Variants in LMBR1 observed in about 807,000 individuals in gnomAD.
The protein encoded by LMBR1 is limb region 1 protein homolog.
In LMBR1, 52 loss-of-function variants were observed where a neutral mutation model predicts 73.9. The ratio of observed to expected loss-of-function variants is 0.70; its 90% CI spans 0.56 to 0.89. The LOEUF (loss-of-function observed/expected upper bound fraction) is 0.89. LMBR1 is among the 40% of genes least tolerant of loss of function. LMBR1 has a pLI of 0.00. For synonymous variants in LMBR1, 215 were observed against 209.4 expected (o/e 1.03, Z -0.23); for missense variants, 539 against 579.8 (o/e 0.93, Z 0.72).
chr7:156,717,399 G>C (rs1813457287), intron 15 of LMBR1, among the ~76,000 whole-genome samples: 2 of 152,190 alleles, frequency 1.3e-5, no homozygotes, highest in African/African-American at 4.8e-5. Flanking sequence ...TTTTAGCTTA[G>C]GGTGGGTGGT....
intron 10 of LMBR1, among the ~76,000 whole-genome samples, chr7:156,732,599 G>GA (rs1817056501): frequency 6.6e-6 from 1 of 152,020 alleles, no homozygotes; most frequent in African/African-American, 2.4e-5. Context: ...AATATGAAAA[G>GA]AAACAGCACT....
intron 15 of LMBR1, among the ~76,000 whole-genome samples, chr7:156,720,005 G>C (rs1452382601): frequency 1.3e-5 from 2 of 151,670 alleles, no homozygotes; most frequent in African/African-American, 2.4e-5. Flanking sequence ...AAAAACCCTA[G>C]AAGAAAACCT....
chr7:156,733,979 T>C (rs978239102), intron 10 of LMBR1, 198 bp downstream of exon 10: 10 of 404,910 alleles, frequency 2.5e-5, no homozygotes, highest in South Asian at 2.2e-4. Flanking sequence ...ATTTTGTATA[T>C]ATATAAAACC....
At chr7:156,736,450 T>C (rs754048299) in intron 9 of LMBR1, 21 of 448,780 alleles carry the variant, frequency 4.7e-5, no homozygotes, top group Non-Finnish European at 4.5e-5. Flanking sequence ...TTTATCTTTA[T>C]CAAGATGAAG....
At chr7:156,768,061 T>C (rs190053102) in intron 5 of LMBR1, among the ~76,000 whole-genome samples, 46 of 152,316 alleles carry the variant, frequency 3.0e-4, no homozygotes, top group African/African-American at 1.0e-3. Context: ...TAGCGCTTCA[T>C]TGTTATTATT....
At chr7:156,767,981 T>A (rs1169431579) in intron 5 of LMBR1, among the ~76,000 whole-genome samples, 2 of 152,168 alleles carry the variant, frequency 1.3e-5, no homozygotes, top group African/African-American at 4.8e-5. Context: ...AGTAGGACAT[T>A]TCATATTGAA....
At chr7:156,873,113 G>A (rs1375103111) in intron 1 of LMBR1, among the ~76,000 whole-genome samples, 5 of 152,316 alleles carry the variant, frequency 3.3e-5, no homozygotes, top group African/African-American at 4.8e-5. Flanking sequence ...GAATGAAGCC[G>A]CGGACTCTTG....
intron 5 of LMBR1, among the ~76,000 whole-genome samples, chr7:156,764,355 T>C (rs1315163092): frequency 6.6e-6 from 1 of 152,248 alleles, no homozygotes; most frequent in African/African-American, 2.4e-5. Flanking sequence ...CTTCACATTA[T>C]ATAGAATTTT....
chr7:156,764,689 A>C (rs1377680587), intron 5 of LMBR1, among the ~76,000 whole-genome samples: 1 of 152,242 alleles, frequency 6.6e-6, no homozygotes, highest in Non-Finnish European at 1.5e-5. Flanking sequence ...TTAACATAAA[A>C]ATATGAGTTA....
rs191771041 is a variant in LMBR1, at chr7:156,696,646, C to T, written c.1226-8455G>A. ...TTGAAAACCATCAGATCTTGTGAGA[C>T]TTATTCACCATCACAACAACAGCAT... is the stretch of plus-strand genomic sequence containing the variant. On this transcript the variant is annotated intron_variant, in intron 15 of 16. Coordinates refer to ENST00000353442, the MANE Select transcript of LMBR1 (RefSeq NM_022458.4). Among the ~76,000 whole-genome samples, 113 of 152,290 alleles carry T rather than the reference C, an allele frequency of 7.4e-4. 1 individual carries two copies. Among genetic ancestry groups the T allele is most frequent in the Non-Finnish European group, 1.0e-3 (69 of 68,022 alleles).
chr7:156,808,531 A>C (rs754720876), intron 4 of LMBR1, among the ~76,000 whole-genome samples: 11 of 152,136 alleles, frequency 7.2e-5, no homozygotes, highest in Non-Finnish European at 1.6e-4. Context: ...TCAATTTGAT[A>C]ATCTCTGCCT....
chr7:156,766,710 G>A (rs922514517), intron 5 of LMBR1, among the ~76,000 whole-genome samples: 1 of 152,138 alleles, frequency 6.6e-6, no homozygotes, highest in South Asian at 2.1e-4. Context: ...GGGCAAGCAG[G>A]AGGAGCAGGG....
intron 1 of LMBR1, among the ~76,000 whole-genome samples, chr7:156,883,620 T>A (rs191857818): frequency 6.6e-6 from 1 of 152,326 alleles, no homozygotes; most frequent in East Asian, 1.9e-4. Context: ...ACAAATTTAT[T>A]GAGTTTCACT....
chr7:156,680,403 A>AGAGAGAGTGTGTGT lies in LMBR1; in HGVS notation c.*3674_*3675insACACACACTCTCTC, dbSNP rs1343950098. 2 of 125,068 alleles carry AGAGAGAGTGTGTGT rather than the reference A, an allele frequency of 1.6e-5. No individual in the cohort carries two copies. The highest frequency in any genetic ancestry group is 6.1e-5 in the African/African-American group (2 of 32,560). The allele number at this position is 125,068 out of a possible 1,614,324, so 7.7% of individuals were successfully genotyped here. On this transcript the variant is annotated 3_prime_UTR_variant, in exon 17 of 17. Transcript: ENST00000353442. ...GAGAGAGAGAGAGAGAGAGAGAGAG[A>AGAGAGAGTGTGTGT]GTGTGTGTGTGTGTGTGTGTGTAAT...
rs1802192436 is a variant in LMBR1 at position 156,670,298 on chromosome 7, C to G, written n.867-1011G>C. 6.6e-6 allele frequency among the ~76,000 whole-genome samples: 1 copy of G among 152,208 alleles called. No individual in the cohort carries two copies. The highest frequency in any genetic ancestry group is 1.5e-5 in the Non-Finnish European group (1 of 68,032). ...CTTTGGCTCTTGATACACACACATT[C>G]TAGTCAGGCCCTGCCTTCAGCTCAC... On this transcript the variant is annotated intron_variant and non_coding_transcript_variant, in intron 4 of 4. Transcript: ENST00000430825. This position sits in a 1 kb window ranked among gnomAD's most constrained non-coding sequence, Gnocchi z 4.3.
intron 15 of LMBR1, among the ~76,000 whole-genome samples, chr7:156,721,661 G>C (rs910593365): frequency 3.3e-5 from 5 of 151,716 alleles, no homozygotes; most frequent in Admixed American, 1.3e-4. Flanking sequence ...TACTTTTTCA[G>C]GGTTCTAATA....
intron 15 of LMBR1, among the ~76,000 whole-genome samples, chr7:156,708,574 G>A (rs910294740): frequency 3.3e-5 from 5 of 152,120 alleles, no homozygotes; most frequent in Admixed American, 1.3e-4. Context: ...GAATTAGGGT[G>A]GGGTTACAGG....
Position 156,721,451 on chromosome 7 carries a change from G to C in LMBR1, c.1225+2661C>G, listed in dbSNP as rs533234886. 2.0e-5 allele frequency among the ~76,000 whole-genome samples: 3 copies of C among 151,482 alleles called. No individual in the cohort carries two copies. The South Asian group carries it at 6.4e-4, about 32-fold the overall frequency. ...TTGCATAGAATTTTGGACATCTATA[G>C]ATAATTAGTTTGATCTTGTTCTATT... On this transcript the variant is annotated intron_variant, in intron 15 of 16. Coordinates refer to ENST00000353442, the MANE Select transcript of LMBR1 (RefSeq NM_022458.4).
At chr7:156,784,002 T>G (rs2270265) in intron 5 of LMBR1, among the ~76,000 whole-genome samples, 4 of 140,612 alleles carry the variant, frequency 2.8e-5, no homozygotes, top group Admixed American at 7.2e-5. Context: ...TTTTCTGTTT[T>G]TTTTTTTTTT....
Sources: gnomAD v4.1 joint callset for allele counts (sites outside exome capture counted in the v4.1 genomes callset) on GRCh38, gnomAD v4.1.1 for gene constraint, Gnocchi (gnomAD v3.1) non-coding constraint, MANE v1.5 for transcripts, NCBI Gene and HGNC (gene_info 2026-07-23, HGNC 2026-07-21) for gene names.